Variants in IFNG-AS1 observed in about 807,000 individuals in gnomAD.
The protein encoded by IFNG-AS1 is IFNG antisense RNA 1 (non-protein coding).
At chr12:68,002,316 C>T (rs1009426482) in intron 2 of IFNG-AS1, among the ~76,000 whole-genome samples, 1 of 152,206 alleles carries the variant, frequency 6.6e-6, no homozygotes, top group Non-Finnish European at 1.5e-5. Context: ...CCCTGGAGAA[C>T]TCGAAATCAA....
chr12:68,012,316 A>G lies in IFNG-AS1; in HGVS notation n.241+6170A>G, dbSNP rs77770046. Among the ~76,000 whole-genome samples the G allele has an allele frequency of 9.6e-4, 146 of 152,298 alleles. 3 individuals are homozygous for G. In the East Asian group the frequency reaches 0.027, roughly 28 times the overall value. Reference sequence around the variant, plus strand: ...ATGTTCCACCTTCATGCTTTGCCCCATATGAGGCTCTCTTCTATCCCATTT... The same window carrying G: ...ATGTTCCACCTTCATGCTTTGCCCCGTATGAGGCTCTCTTCTATCCCATTT... On this transcript the variant is annotated intron_variant and non_coding_transcript_variant, in intron 3 of 5. Transcript: ENST00000536914.
chr12:68,012,467 G>T (rs1880054981), intron 3 of IFNG-AS1, among the ~76,000 whole-genome samples: 1 of 152,190 alleles, frequency 6.6e-6, no homozygotes, highest in South Asian at 2.1e-4. Context: ...CCAGGGGAAT[G>T]CTGCCTTCAC....
intron 2 of IFNG-AS1, among the ~76,000 whole-genome samples, chr12:67,996,853 T>C (rs1222093290): frequency 1.3e-5 from 2 of 152,332 alleles, no homozygotes; most frequent in Middle Eastern, 3.4e-3. Context: ...TTCTATCTTT[T>C]ATTTGTCAGA....
rs547215227 is a variant in IFNG-AS1, at chr12:68,007,623, A to G, written n.241+1477A>G. 3.0e-4 allele frequency among the ~76,000 whole-genome samples: 45 copies of G among 152,370 alleles called. 1 individual carries two copies. In the Middle Eastern group the frequency reaches 0.01, roughly 35 times the overall value. Reference sequence around the variant, plus strand: ...AGATTCAAATATCAGTCACAGTTTCAAAGTAATCACTATAATACATGAACA... The same window carrying G: ...AGATTCAAATATCAGTCACAGTTTCGAAGTAATCACTATAATACATGAACA... On this transcript the variant is annotated intron_variant and non_coding_transcript_variant, in intron 3 of 5. Transcript: ENST00000536914.
At chr12:67,990,435 C>T (rs988103090) in intron 1 of IFNG-AS1, among the ~76,000 whole-genome samples, 3 of 152,144 alleles carry the variant, frequency 2.0e-5, no homozygotes, top group African/African-American at 7.2e-5. Flanking sequence ...TCTGAGCTCA[C>T]CTTTGGCAGT....
At chr12:68,014,841 T>C (rs555378356) in intron 3 of IFNG-AS1, among the ~76,000 whole-genome samples, 1 of 152,174 alleles carries the variant, frequency 6.6e-6, no homozygotes, top group East Asian at 1.9e-4. Flanking sequence ...TCTATTTCTT[T>C]GGAGAACCCT....
chr12:68,019,292 G>C (rs200614843), intron 3 of IFNG-AS1, among the ~76,000 whole-genome samples: 1 of 152,236 alleles, frequency 6.6e-6, no homozygotes, highest in East Asian at 1.9e-4. Flanking sequence ...TACATGCCAG[G>C]CTCTGTTCTA....
chr12:67,996,054 A>C (rs554888507), exon 2 of IFNG-AS1: 1 of 152,340 alleles, frequency 6.6e-6, no homozygotes, highest in Non-Finnish European at 1.5e-5. Flanking sequence ...AGATAAGCAT[A>C]TTCCATGAAA....
chr12:68,007,611 A>T (rs12422954), intron 3 of IFNG-AS1, among the ~76,000 whole-genome samples: 31,677 of 152,264 alleles, frequency 0.21, 3,707 homozygotes, highest in East Asian at 0.49. Context: ...TTCAAATATC[A>T]GTCACAGTTT....
intron 2 of IFNG-AS1, among the ~76,000 whole-genome samples, chr12:68,004,416 GGATCTTCCCAGCTTGCTCTCTCTCCCCA>G (rs984339082): frequency 6.6e-6 from 1 of 152,136 alleles, no homozygotes; most frequent in African/African-American, 2.4e-5. Context: ...TCCCAATGCT[GGATCTTCCCAGCTTGCTCTCTCTCCCCA>G]GAGGCTGGGG....
At chr12:68,004,314 C>G (rs915281174) in intron 2 of IFNG-AS1, among the ~76,000 whole-genome samples, 2 of 152,196 alleles carry the variant, frequency 1.3e-5, no homozygotes, top group African/African-American at 4.8e-5. Flanking sequence ...TTTACTTTTG[C>G]ATCTTCCCAG....
intron 3 of IFNG-AS1, among the ~76,000 whole-genome samples, chr12:68,011,665 TG>T (rs1485336610): frequency 6.6e-6 from 1 of 152,156 alleles, no homozygotes; most frequent in East Asian, 1.9e-4. Flanking sequence ...TTGGGAGTGC[TG>T]GTGTCAACAG....
intron 2 of IFNG-AS1, among the ~76,000 whole-genome samples, chr12:68,002,132 G>C (rs78045922): frequency 4.6e-5 from 7 of 152,154 alleles, no homozygotes; most frequent in African/African-American, 1.7e-4. Context: ...CAAAACAGGG[G>C]TGAGCTGGTC....
intron 1 of IFNG-AS1, among the ~76,000 whole-genome samples, chr12:67,993,701 A>G (rs1212729809): frequency 6.6e-6 from 1 of 152,238 alleles, no homozygotes; most frequent in Non-Finnish European, 1.5e-5. Flanking sequence ...AAAGGCACTT[A>G]TTAATAAAAA....
chr12:68,006,855 C>G (rs2120452539), intron 3 of IFNG-AS1, among the ~76,000 whole-genome samples: 1 of 152,318 alleles, frequency 6.6e-6, no homozygotes, highest in South Asian at 2.1e-4. Flanking sequence ...CCCAGCTGAT[C>G]CCTTGACGGC....
At chr12:68,008,218 C>A (rs1879948602) in intron 3 of IFNG-AS1, among the ~76,000 whole-genome samples, 1 of 152,038 alleles carries the variant, frequency 6.6e-6, no homozygotes, top group African/African-American at 2.4e-5. Context: ...AGATCGAGAC[C>A]ATCCTGGCTA....
At chr12:67,994,064 G>A (rs1395640577) in intron 1 of IFNG-AS1, among the ~76,000 whole-genome samples, 2 of 152,132 alleles carry the variant, frequency 1.3e-5, no homozygotes, top group Non-Finnish European at 2.9e-5. Flanking sequence ...TGTGGCATGG[G>A]GAATAATTTA....
At chr12:67,997,789 C>T (rs965682942) in intron 2 of IFNG-AS1, among the ~76,000 whole-genome samples, 1 of 151,360 alleles carries the variant, frequency 6.6e-6, no homozygotes, top group African/African-American at 2.4e-5. Context: ...ATTAAAAACT[C>T]CTAAAATTGA....
intron 2 of IFNG-AS1, among the ~76,000 whole-genome samples, chr12:68,003,739 C>T (rs756027190): frequency 7.2e-5 from 11 of 151,916 alleles, no homozygotes; most frequent in Non-Finnish European, 1.5e-4. Flanking sequence ...ACGGCAAAAC[C>T]CCGTCTCTAC....
Sources: gnomAD v4.1 joint callset for allele counts (sites outside exome capture counted in the v4.1 genomes callset) on GRCh38, gnomAD v4.1.1 for gene constraint, MANE v1.5 for transcripts, NCBI Gene and HGNC (gene_info 2026-07-23, HGNC 2026-07-21) for gene names.